DCTD: variants seen among roughly 807,000 people sequenced by gnomAD.
DCTD encodes the protein dCMP deaminase.
DCTD carries 23 observed loss-of-function variants against 21.0 expected under a neutral mutation model. That is an observed-to-expected ratio of 1.09 (90% confidence interval 0.79 to 1.55). The LOEUF (loss-of-function observed/expected upper bound fraction) is 1.55. DCTD is among the 40% of genes most tolerant of loss of function. DCTD has a pLI of 0.00. For synonymous variants in DCTD, 71 were observed against 81.1 expected, an observed-to-expected ratio of 0.88 and a Z score of 0.67; for missense variants, 224 against 230.0, an observed-to-expected ratio of 0.97 and a Z score of 0.17.
chr4:182,894,728 A>C, intron 3 of DCTD, 123 bp from the exon 4 acceptor site: 1 of 716,196 alleles, frequency 1.4e-6, no homozygotes, highest in South Asian at 1.7e-5. Context: ...AAAAACATTG[A>C]TTAGAAATGG....
intron 3 of DCTD, among the ~76,000 whole-genome samples, chr4:182,901,273 T>A (rs1159149071): frequency 6.6e-6 from 1 of 152,232 alleles, no homozygotes; most frequent in Non-Finnish European, 1.5e-5. Flanking sequence ...GCTATGGAGA[T>A]GTGACAGGAA....
chr4:182,901,876 C>T (rs17074241), intron 3 of DCTD, among the ~76,000 whole-genome samples: 15,332 of 151,718 alleles, frequency 0.1, 1,319 homozygotes, highest in African/African-American at 0.24. Flanking sequence ...GGCCTGAGTG[C>T]TTTTACTTCT....
Position 182,891,504 on chromosome 4 carries a change from T to C in DCTD, c.459-27A>G, listed in dbSNP as rs138801015. On this transcript the variant is annotated intron_variant, in intron 5 of 5. Coordinates refer to ENST00000438320, the MANE Select transcript of DCTD (RefSeq NM_001921.3). The stretch of plus-strand genomic sequence containing the variant: ...TAAAAATAAAAACAAAATACAATTA[T>C]TATCTGGTGAGTAGTGAAAGCAATT... 14 of 1,483,764 alleles carry C rather than the reference T, an allele frequency of 9.4e-6. No homozygotes were observed. The East Asian group carries it at 2.9e-4, about 31-fold the overall frequency. 91.9% of individuals were successfully genotyped at this position (1,483,764 alleles called of 1,614,324 possible).
chr4:182,893,423 A>G (rs1028784137), intron 4 of DCTD, among the ~76,000 whole-genome samples: 1 of 152,248 alleles, frequency 6.6e-6, no homozygotes, highest in Non-Finnish European at 1.5e-5. Context: ...TACTACAGGT[A>G]ATCAAGGCAG....
chr4:182,894,723 C>T (rs1306427014), intron 3 of DCTD, 118 bp from the exon 4 acceptor site: 4 of 727,656 alleles, frequency 5.5e-6, no homozygotes, highest in Non-Finnish European at 7.3e-6. Context: ...CAAGTAAAAA[C>T]ATTGATTAGA....
intron 3 of DCTD, among the ~76,000 whole-genome samples, chr4:182,912,921 C>A (rs554466941): frequency 6.6e-6 from 1 of 152,158 alleles, no homozygotes. Context: ...TATGACGGAC[C>A]GCCATCCCCC....
intron 5 of DCTD, among the ~76,000 whole-genome samples, chr4:182,892,799 G>A (rs6856058): frequency 0.012 from 1,872 of 152,210 alleles, 42 homozygotes; most frequent in African/African-American, 0.042. Context: ...TAATTACCCC[G>A]GAAAGTTACT....
intron 3 of DCTD, among the ~76,000 whole-genome samples, chr4:182,903,440 G>A (rs1273722127): frequency 1.3e-5 from 2 of 152,172 alleles, no homozygotes; most frequent in Admixed American, 6.5e-5. Flanking sequence ...AGGCATGACA[G>A]TGTAAGTGTG....
intron 3 of DCTD, among the ~76,000 whole-genome samples, chr4:182,904,496 A>G (rs1042916690): frequency 6.6e-6 from 1 of 152,162 alleles, no homozygotes; most frequent in Non-Finnish European, 1.5e-5. Context: ...ACCGGGCCTG[A>G]GCACTGGGCA....
intron 4 of DCTD, among the ~76,000 whole-genome samples, 176 bp downstream of exon 4, chr4:182,894,313 A>G (rs992211314): frequency 6.6e-6 from 1 of 152,258 alleles, no homozygotes; most frequent in Non-Finnish European, 1.5e-5. Flanking sequence ...GGATGCAATT[A>G]GTCTTAGAAT....
intron 3 of DCTD, among the ~76,000 whole-genome samples, chr4:182,900,456 C>G (rs1211042559): frequency 1.3e-5 from 2 of 152,020 alleles, no homozygotes; most frequent in African/African-American, 4.8e-5. Context: ...TGTTGTGTTG[C>G]CTGGATGAAC....
In DCTD at chr4:182,894,505, C is replaced by T. The variant is rs1309840322; in HGVS notation, c.345G>A (p.Lys115=). ...GGTTCCTACCTGCCTGGATGATGAG[C>T]TTAGCGCATTCATTACAAGGGAACA... is the stretch of plus-strand genomic sequence containing the variant. ...VALFPCNECA[K]LIIQAGIKEV... The change falls in exon 4 of 6, where the codon AAG becomes AAA. Residue 115 remains lysine (K), a synonymous_variant. Transcript: ENST00000438320. 21 of 1,611,690 alleles carry T rather than the reference C, an allele frequency of 1.3e-5. No individual in the cohort carries two copies. The highest frequency in any genetic ancestry group is 1.8e-5 in the Non-Finnish European group (21 of 1,177,894).
intron 4 of DCTD, among the ~76,000 whole-genome samples, 163 bp downstream of exon 4, chr4:182,894,326 C>G (rs918011131): frequency 2.0e-5 from 3 of 152,164 alleles, no homozygotes; most frequent in African/African-American, 7.2e-5. Context: ...CTTAGAATAC[C>G]TGGCACCATT....
chr4:182,900,646 T>C (rs1735560088), intron 3 of DCTD, among the ~76,000 whole-genome samples: 1 of 151,734 alleles, frequency 6.6e-6, no homozygotes, highest in Non-Finnish European at 1.5e-5. Flanking sequence ...GAATTACACA[T>C]CTACAGCTAA....
rs181629004 is a variant in DCTD, at chr4:182,913,621, C to T, written c.244+1302G>A. Among the ~76,000 whole-genome samples, 8 of 152,318 alleles carry T rather than the reference C, an allele frequency of 5.3e-5. No individual in the cohort carries two copies. The East Asian group carries it at 5.8e-4, about 11-fold the overall frequency. On this transcript the variant is annotated intron_variant, in intron 3 of 5. Transcript: ENST00000438320. ...AACAAAGAAGAAAGGTCGTACATCA[C>T]GCCTTGGCCTGAAGACACAATCTTT...
intron 5 of DCTD, among the ~76,000 whole-genome samples, chr4:182,892,117 G>T (rs967650958): frequency 6.6e-6 from 1 of 152,064 alleles, no homozygotes; most frequent in Admixed American, 6.6e-5. Flanking sequence ...AAGGCACCAC[G>T]GTTGAGTTCA....
chr4:182,907,229 G>A (rs1334468133), intron 3 of DCTD, among the ~76,000 whole-genome samples: 2 of 152,052 alleles, frequency 1.3e-5, no homozygotes, highest in Non-Finnish European at 2.9e-5. Context: ...TTGGCCTCCC[G>A]AGCTCAAGCA....
intron 3 of DCTD, 43 bp downstream of exon 3, chr4:182,914,880 A>G: frequency 1.2e-6 from 2 of 1,611,636 alleles, no homozygotes; most frequent in Non-Finnish European, 1.7e-6. Flanking sequence ...GGCACTCACC[A>G]GGCTATGTCA....
chr4:182,894,069 G>A (rs1734287300), intron 4 of DCTD, among the ~76,000 whole-genome samples: 1 of 152,216 alleles, frequency 6.6e-6, no homozygotes, highest in Non-Finnish European at 1.5e-5. Flanking sequence ...GCCAAGGTAT[G>A]TTGAGATCCT....
Sources: allele counts gnomAD v4.1 joint callset (sites outside exome capture counted in the v4.1 genomes callset), GRCh38; gene constraint gnomAD v4.1.1; transcripts MANE v1.5; gene names NCBI Gene and HGNC (gene_info 2026-07-23, HGNC 2026-07-21).